The following TENM3 variants were observed in gnomAD, a reference collection of about 807,000 sequenced individuals.
TENM3 encodes the protein teneurin transmembrane protein 3, also known as teneurin-3.
TENM3 carries 63 observed loss-of-function variants against 255.1 expected under a neutral mutation model. The observed-to-expected ratio is 0.25, with a 90% CI of 0.20 to 0.30. TENM3 has a LOEUF of 0.30. Ranked by LOEUF, TENM3 falls within the 10% of genes least tolerant of loss-of-function variation. TENM3 has a pLI of 1.00. For missense variants in TENM3, 2,929 were observed against 3,461.1 expected, an observed-to-expected ratio of 0.85 and a Z score of 3.86; for synonymous variants, 1,306 against 1,322.3, an observed-to-expected ratio of 0.99 and a Z score of 0.27.
intron 3 of TENM3, among the ~76,000 whole-genome samples, chr4:182,359,930 T>A (rs1315750498): frequency 6.6e-6 from 1 of 151,466 alleles, no homozygotes; most frequent in Non-Finnish European, 1.5e-5. Flanking sequence ...GTCTTTGTTC[T>A]CGTTGGTTTC....
At chr4:181,553,313 T>C in the TENM3 span, among the ~76,000 whole-genome samples, 1 of 115,898 alleles carries the variant, frequency 8.6e-6, no homozygotes, top group African/African-American at 3.7e-5. Flanking sequence ...TGTGTGTATG[T>C]GTATGCGTAT....
At chr4:181,501,042 T>C in the TENM3 span, among the ~76,000 whole-genome samples, 1 of 152,168 alleles carries the variant, frequency 6.6e-6, no homozygotes, top group Non-Finnish European at 1.5e-5. Flanking sequence ...CACCTGCCCA[T>C]GCCTGGCTTC....
chr4:182,082,652 T>G, the TENM3 span, among the ~76,000 whole-genome samples: 1 of 152,202 alleles, frequency 6.6e-6, no homozygotes, highest in Non-Finnish European at 1.5e-5. Flanking sequence ...AGCTGCTACC[T>G]TCCTATTGTA....
intron 3 of TENM3, among the ~76,000 whole-genome samples, chr4:182,517,558 T>C (rs957273606): frequency 1.4e-5 from 2 of 146,642 alleles, no homozygotes; most frequent in Non-Finnish European, 3.0e-5. Flanking sequence ...TAATTTTTTG[T>C]ATTTTTAGTA....
chr4:182,321,064 G>A (rs370865643), intron 1 of TENM3, among the ~76,000 whole-genome samples: 7 of 152,058 alleles, frequency 4.6e-5, no homozygotes, highest in Non-Finnish European at 8.8e-5. Flanking sequence ...AAAAATGCTC[G>A]AATTATATTT....
At chr4:182,042,868 T>C in the TENM3 span, among the ~76,000 whole-genome samples, 8 of 102,882 alleles carry the variant, frequency 7.8e-5, no homozygotes, top group African/African-American at 3.0e-4. Flanking sequence ...CCAAAACAAG[T>C]TATCGTGTGT....
intron 1 of TENM3, among the ~76,000 whole-genome samples, chr4:182,229,651 T>C (rs568609620): frequency 3.8e-4 from 57 of 151,870 alleles, no homozygotes; most frequent in East Asian, 3.1e-3. Flanking sequence ...CACACACACA[T>C]ATATGTATAT....
chr4:182,075,085 T>C, the TENM3 span, among the ~76,000 whole-genome samples: 1 of 152,066 alleles, frequency 6.6e-6, no homozygotes, highest in South Asian at 2.1e-4. Context: ...CTCCAACCCA[T>C]TGTTACCATG....
intron 2 of TENM3, among the ~76,000 whole-genome samples, chr4:182,339,493 G>T (rs1389132529): frequency 2.0e-5 from 3 of 152,128 alleles, no homozygotes; most frequent in Non-Finnish European, 4.4e-5. Context: ...CTTCTTTCAG[G>T]CTCGGCAGCC....
the TENM3 span, among the ~76,000 whole-genome samples, chr4:181,582,744 A>G: frequency 6.6e-6 from 1 of 151,998 alleles, no homozygotes; most frequent in African/African-American, 2.4e-5. Context: ...AACTGAGAAT[A>G]GCAGCCCAGG....
intron 3 of TENM3, among the ~76,000 whole-genome samples, chr4:182,413,541 G>A (rs1770158146): frequency 1.3e-5 from 2 of 152,006 alleles, no homozygotes. Flanking sequence ...GCTTGAGCCT[G>A]GGAAGCGGAG....
the TENM3 span, among the ~76,000 whole-genome samples, chr4:181,591,219 C>T: frequency 6.6e-6 from 1 of 152,140 alleles, no homozygotes. Context: ...AAAGACTCAC[C>T]ATACCAAGTG....
the TENM3 span, among the ~76,000 whole-genome samples, chr4:181,500,964 C>G: frequency 6.6e-6 from 1 of 152,184 alleles, no homozygotes; most frequent in Non-Finnish European, 1.5e-5. Flanking sequence ...CCTGCCCCAC[C>G]TGTCAGTACC....
the TENM3 span, among the ~76,000 whole-genome samples, chr4:182,064,502 G>A: frequency 6.6e-6 from 1 of 152,046 alleles, no homozygotes; most frequent in East Asian, 1.9e-4. Flanking sequence ...AGAATGGCGT[G>A]AACCCGGGAG....
chr4:181,845,450 A>G, the TENM3 span, among the ~76,000 whole-genome samples: 2 of 152,288 alleles, frequency 1.3e-5, no homozygotes, highest in African/African-American at 2.4e-5. Flanking sequence ...ATAAATCTCT[A>G]TTTTTTAGGT....
the TENM3 span, among the ~76,000 whole-genome samples, chr4:181,792,960 A>G: frequency 6.6e-6 from 1 of 151,672 alleles, no homozygotes; most frequent in African/African-American, 2.4e-5. Context: ...GAAGTTATAG[A>G]CGGTTTTTTT....
At chr4:182,667,754 G>T (rs1269080539) in intron 6 of TENM3, among the ~76,000 whole-genome samples, 1 of 150,442 alleles carries the variant, frequency 6.6e-6, no homozygotes, top group Non-Finnish European at 1.5e-5. Flanking sequence ...CTTGGACACA[G>T]GAAGGGGAAC....
the TENM3 span, among the ~76,000 whole-genome samples, chr4:181,983,996 A>G: frequency 9.2e-5 from 14 of 152,162 alleles, no homozygotes; most frequent in Non-Finnish European, 1.6e-4. Flanking sequence ...CAGTTTTGGC[A>G]TGGATTTTAA....
At chr4:181,668,718 C>A in the TENM3 span, among the ~76,000 whole-genome samples, 1 of 152,106 alleles carries the variant, frequency 6.6e-6, no homozygotes, top group Admixed American at 6.6e-5. Context: ...TTCTAAGGTG[C>A]TGGGGGTTAG....
Sources: gnomAD v4.1 joint callset for allele counts (sites outside exome capture counted in the v4.1 genomes callset) on GRCh38, gnomAD v4.1.1 for gene constraint, MANE v1.5 for transcripts, NCBI Gene and HGNC (gene_info 2026-07-23, HGNC 2026-07-21) for gene names.